TSHZ2: variants seen among roughly 807,000 people sequenced by gnomAD.
The protein encoded by TSHZ2 is teashirt zinc finger homeobox 2.
TSHZ2 carries 21 observed loss-of-function variants against 74.4 expected under a neutral mutation model. The observed-to-expected ratio is 0.28, with a 90% CI of 0.20 to 0.41. The LOEUF (loss-of-function observed/expected upper bound fraction) is 0.41. Ranked by LOEUF, TSHZ2 falls within the 10% of genes least tolerant of loss-of-function variation. The pLI, the probability that TSHZ2 is intolerant of heterozygous loss-of-function variation, is 1.00. For missense variants in TSHZ2, 1,244 were observed against 1,293.5 expected (o/e 0.96, Z 0.59); for synonymous variants, 540 against 515.3 (o/e 1.05, Z -0.65).
At chr20:53,120,033 T>C (rs1986767111) in intron 1 of TSHZ2, among the ~76,000 whole-genome samples, 1 of 152,222 alleles carries the variant, frequency 6.6e-6, no homozygotes. Flanking sequence ...TATTTTCCTC[T>C]GGTATTCAAA....
At chr20:53,085,350 A>G (rs1195767736) in intron 1 of TSHZ2, among the ~76,000 whole-genome samples, 1 of 152,050 alleles carries the variant, frequency 6.6e-6, no homozygotes, top group Non-Finnish European at 1.5e-5. Flanking sequence ...GGGCAACACA[A>G]TGAAACTCCA....
At chr20:53,040,831 G>A (rs141895042) in intron 1 of TSHZ2, among the ~76,000 whole-genome samples, 86 of 152,252 alleles carry the variant, frequency 5.6e-4, no homozygotes, top group Admixed American at 3.3e-4. Flanking sequence ...TTCCTTAGGC[G>A]CAGCATTTGC....
intron 2 of TSHZ2, among the ~76,000 whole-genome samples, chr20:53,339,439 G>C (rs1054705595): frequency 1.3e-5 from 2 of 152,164 alleles, no homozygotes; most frequent in Non-Finnish European, 2.9e-5. Context: ...ACCCTGAAAG[G>C]CCTCATCATG....
At chr20:52,991,811 G>A (rs991359676) in intron 1 of TSHZ2, among the ~76,000 whole-genome samples, 1 of 152,144 alleles carries the variant, frequency 6.6e-6, no homozygotes, top group African/African-American at 2.4e-5. Context: ...TGTGGGGAAA[G>A]AGTGTGAAAA....
intron 1 of TSHZ2, among the ~76,000 whole-genome samples, chr20:53,219,694 T>A (rs1989512338): frequency 6.6e-6 from 1 of 152,184 alleles, no homozygotes; most frequent in Non-Finnish European, 1.5e-5. Flanking sequence ...TCAAAGAAGT[T>A]ACCTATACTC....
intron 1 of TSHZ2, among the ~76,000 whole-genome samples, chr20:53,048,865 C>T (rs186952106): frequency 7.2e-5 from 11 of 152,272 alleles, no homozygotes; most frequent in Admixed American, 1.3e-4. Context: ...ACACGCCCTG[C>T]GTCACAGGTT....
At chr20:53,277,507 G>A (rs1990971714) in intron 2 of TSHZ2, among the ~76,000 whole-genome samples, 1 of 151,976 alleles carries the variant, frequency 6.6e-6, no homozygotes, top group South Asian at 2.1e-4. Context: ...GACAGAGTTG[G>A]ACTCATGCAC....
chr20:53,346,689 A>G (rs1980453323), intron 2 of TSHZ2, among the ~76,000 whole-genome samples: 1 of 152,230 alleles, frequency 6.6e-6, no homozygotes, highest in African/African-American at 2.4e-5. Flanking sequence ...AGGAGAAAGC[A>G]CGAAGAGGTG....
At chr20:53,411,824 G>A (rs1983063861) in intron 2 of TSHZ2, among the ~76,000 whole-genome samples, 2 of 151,820 alleles carry the variant, frequency 1.3e-5, no homozygotes, top group African/African-American at 2.4e-5. Flanking sequence ...GCAAGACCCT[G>A]CCTCAAAAAA....
rs1286629564 is a variant in TSHZ2 at position 53,492,232 on chromosome 20, G to A, written c.*5097G>A. On this transcript the variant is annotated 3_prime_UTR_variant, in exon 3 of 3. Coordinates refer to ENST00000371497, the MANE Select transcript of TSHZ2 (RefSeq NM_173485.6). ...ACAATCATACAATTATGTCTCAAAT[G>A]TGAAGACTTTGTACAGTAATATTTT... The A allele has an allele frequency of 6.6e-6, 1 of 152,164 alleles. No homozygotes were observed. The highest frequency in any genetic ancestry group is 2.4e-5 in the African/African-American group (1 of 41,432). 9.4% of individuals were successfully genotyped at this position (152,164 alleles called of 1,614,324 possible). A position where few individuals can be genotyped will look rare whatever the true frequency, so the allele number is the denominator to read the frequency against.
intron 1 of TSHZ2, among the ~76,000 whole-genome samples, chr20:53,038,989 C>T (rs995557182): frequency 1.3e-5 from 2 of 151,946 alleles, no homozygotes; most frequent in African/African-American, 2.4e-5. Flanking sequence ...CTCTGCCTCC[C>T]GGGTTCAAGC....
chr20:53,032,665 T>C (rs927564401), intron 1 of TSHZ2, among the ~76,000 whole-genome samples: 1 of 152,152 alleles, frequency 6.6e-6, no homozygotes, highest in Non-Finnish European at 1.5e-5. Flanking sequence ...TTCTCATTGT[T>C]GGATTCAGTT....
intron 1 of TSHZ2, among the ~76,000 whole-genome samples, chr20:52,989,645 C>T (rs1981902409): frequency 6.6e-6 from 1 of 151,996 alleles, no homozygotes; most frequent in Non-Finnish European, 1.5e-5. Flanking sequence ...CTCAGAACAA[C>T]GCTTGGCGCA....
intron 1 of TSHZ2, among the ~76,000 whole-genome samples, chr20:53,049,055 G>T (rs73286157): frequency 6.6e-6 from 1 of 152,144 alleles, no homozygotes; most frequent in African/African-American, 2.4e-5. Flanking sequence ...ATTTCATGAG[G>T]TTGTTGGGAG....
chr20:53,338,037 G>T (rs1980025755), intron 2 of TSHZ2, among the ~76,000 whole-genome samples: 1 of 152,134 alleles, frequency 6.6e-6, no homozygotes, highest in African/African-American at 2.4e-5. Context: ...AAACCTCTCT[G>T]ACCCTCCATC....
chr20:53,360,350 A>T (rs1215841896), intron 2 of TSHZ2, among the ~76,000 whole-genome samples: 1 of 152,214 alleles, frequency 6.6e-6, no homozygotes, highest in Non-Finnish European at 1.5e-5. Flanking sequence ...AATTGGTGGA[A>T]CGTGCTCATC....
At chr20:53,224,457 A>G (rs1989634752) in intron 1 of TSHZ2, among the ~76,000 whole-genome samples, 1 of 152,220 alleles carries the variant, frequency 6.6e-6, no homozygotes, top group Non-Finnish European at 1.5e-5. Context: ...CATCTACACA[A>G]TGAGAATAAG....
At chr20:53,466,197 G>A (rs941757291) in intron 2 of TSHZ2, among the ~76,000 whole-genome samples, 1 of 150,674 alleles carries the variant, frequency 6.6e-6, no homozygotes, top group Non-Finnish European at 1.5e-5. Flanking sequence ...GCAGTGAGCC[G>A]AGATCGTGCT....
intron 1 of TSHZ2, among the ~76,000 whole-genome samples, chr20:52,989,039 CA>C (rs1212509109): frequency 6.6e-6 from 1 of 151,720 alleles, no homozygotes; most frequent in African/African-American, 2.4e-5. Flanking sequence ...GTCACCTTAA[CA>C]GTAGGTGACT....
Sources: allele counts gnomAD v4.1 joint callset (sites outside exome capture counted in the v4.1 genomes callset), GRCh38; gene constraint gnomAD v4.1.1; transcripts MANE v1.5; gene names NCBI Gene and HGNC (gene_info 2026-07-23, HGNC 2026-07-21).